Variants in TSPYL4 observed in about 807,000 individuals in gnomAD.
TSPYL4 encodes TSPY like 4.
A neutral mutation model predicts 24.2 loss-of-function variants in TSPYL4; 22 were observed. The ratio of observed to expected loss-of-function variants is 0.91; its 90% CI spans 0.65 to 1.30. The LOEUF (loss-of-function observed/expected upper bound fraction) is 1.30, where lower values mean the gene tolerates loss of function less well. Among genes scored for constraint, TSPYL4 ranks in the 50% most tolerant of loss-of-function variants. The pLI is 0.00. For missense variants in TSPYL4, 569 were observed against 536.7 expected (o/e 1.06, Z -0.60); for synonymous variants, 211 against 208.2 (o/e 1.01, Z -0.12).
chr6:116,250,267 G>C lies in TSPYL4; in HGVS notation c.*2497C>G, dbSNP rs12211767. ...CATTCAAATTATATTTCTAAGAATA[G>C]AGCCATATATGAACAGAGAGCAAAA... On this transcript the variant is annotated 3_prime_UTR_variant, in exon 1 of 1. Transcript: ENST00000420283. The C allele has an allele frequency of 6.6e-6, 1 of 152,450 alleles. No individual in the cohort carries two copies. Among genetic ancestry groups the C allele is most frequent in the African/African-American group, 2.4e-5 (1 of 41,390 alleles). 9.4% of individuals were successfully genotyped at this position (152,450 alleles called of 1,614,324 possible).
rs748653080 is a variant in TSPYL4 at position 116,253,761 on chromosome 6, C to T, written c.248G>A (p.Gly83Asp). ...CTCCTGCCCGGCTTTGGTCGCTGCA[C>T]CGCCGCGACTCCCGGCAACTGGGAC... is the stretch of plus-strand genomic sequence containing the variant. Reference protein sequence around the residue: ...LRVPVAGSRGGAATKAGQEDA... With the variant: ...LRVPVAGSRGDAATKAGQEDA... Residue 83 changes from glycine (G) to aspartate (D), a missense_variant, in exon 1 of 1, where the codon GGT becomes GAT. Coordinates refer to ENST00000420283, the MANE Select transcript of TSPYL4 (RefSeq NM_021648.5). This position sits in a 1 kb window ranked among gnomAD's most constrained non-coding sequence, Gnocchi z 4.3. The T allele has an allele frequency of 1.3e-6, 2 of 1,597,722 alleles. No homozygotes were observed. The highest frequency in any genetic ancestry group is 1.7e-6 in the Non-Finnish European group (2 of 1,171,300).
Position 116,252,758 on chromosome 6 carries a change from C to A in TSPYL4, c.*6G>T. ...ACTTGTGCAGAAGCTTCTCACAGGA[C>A]AGAGATTAGCCAGACTGGAACCTGA... On this transcript the variant is annotated 3_prime_UTR_variant, in exon 1 of 1. Coordinates refer to ENST00000420283, the MANE Select transcript of TSPYL4 (RefSeq NM_021648.5). The A allele has an allele frequency of 6.3e-7, 1 of 1,580,790 alleles. No homozygotes were observed. Among genetic ancestry groups the A allele is most frequent in the Non-Finnish European group, 8.6e-7 (1 of 1,162,518 alleles).
rs1244009897 is a variant in TSPYL4, at chr6:116,250,958, A to C, written c.*1806T>G. Reference sequence around the variant, plus strand: ...GTGAAAATCCACACAGATGCTGCACATCCCCTTATCCCCTACAAGGAGGCT... The same window carrying C: ...GTGAAAATCCACACAGATGCTGCACCTCCCCTTATCCCCTACAAGGAGGCT... On this transcript the variant is annotated 3_prime_UTR_variant, in exon 1 of 1. Transcript: ENST00000420283. 1 of 375,886 alleles carries C rather than the reference A, an allele frequency of 2.7e-6. No homozygotes were observed. The highest frequency in any genetic ancestry group is 3.8e-5 in the East Asian group (1 of 26,450). 23.3% of individuals were successfully genotyped at this position (375,886 alleles called of 1,614,324 possible).
At position 116,250,858 on chromosome 6, in the gene TSPYL4, G is replaced by T. The variant is rs544760156; in HGVS notation, c.*1906C>A. The T allele has an allele frequency of 4.5e-6, 1 of 223,944 alleles. No homozygotes were observed. Among genetic ancestry groups the T allele is most frequent in the East Asian group, 8.7e-5 (1 of 11,526 alleles). 13.9% of individuals were successfully genotyped at this position (223,944 alleles called of 1,614,324 possible). ...AACCAAAGGGGAAAAGGGTGATGGT[G>T]GATGGTCTTTATCACCACACATGAT... On this transcript the variant is annotated 3_prime_UTR_variant, in exon 1 of 1. Transcript: ENST00000420283.
Position 116,251,209 on chromosome 6 carries a change from G to A in TSPYL4, c.*1555C>T, listed in dbSNP as rs1312536110. On this transcript the variant is annotated 3_prime_UTR_variant, in exon 1 of 1. Transcript: ENST00000420283. ...AAAGAATTTCCATCTTTAGAAAAGT[G>A]GAGTGAGGCTAAGTTTTGGTTGCCT... The A allele has an allele frequency of 5.0e-6, 2 of 398,582 alleles. No homozygotes were observed. Among genetic ancestry groups the A allele is most frequent in the African/African-American group, 4.1e-5 (2 of 48,634 alleles). The allele number at this position is 398,582 out of a possible 1,614,324, so 24.7% of individuals were successfully genotyped here.
chr6:116,254,060 C>A lies in TSPYL4; in HGVS notation c.-52G>T. On this transcript the variant is annotated 5_prime_UTR_variant, in exon 1 of 1. Coordinates refer to ENST00000420283, the MANE Select transcript of TSPYL4 (RefSeq NM_021648.5). ...AGGGAGAGTTCCTTGTCCTCCGCAGCGGCCGAGCTCTGCCCGAAACGTCTA... is the reference window on the plus strand; with the variant it reads ...AGGGAGAGTTCCTTGTCCTCCGCAGAGGCCGAGCTCTGCCCGAAACGTCTA... The A allele has an allele frequency of 6.6e-7, 1 of 1,512,002 alleles. No individual in the cohort carries two copies. The highest frequency in any genetic ancestry group is 8.8e-7 in the Non-Finnish European group (1 of 1,130,430). The allele number at this position is 1,512,002 out of a possible 1,614,324, so 93.7% of individuals were successfully genotyped here.
In TSPYL4 at chr6:116,253,684, C is replaced by T. The variant is rs1459037936; in HGVS notation, c.325G>A (p.Ala109Thr). The change falls in exon 1 of 1, where the codon GCT becomes ACT. Residue 109 changes from alanine to threonine, a missense_variant. Physicochemically the swap from Ala to Thr is moderately conservative, Grantham distance 58. Coordinates refer to ENST00000420283, the MANE Select transcript of TSPYL4 (RefSeq NM_021648.5). The surrounding 1 kb of genome is among the most constrained non-coding windows in gnomAD (Gnocchi z 4.3). The stretch of plus-strand genomic sequence containing the variant: ...CAGCCATTTTTCTGGCTGCTGTCAG[C>T]AGCCTCGGCGGCAGAGGCTGCTTCC... ...GLEAASAAEAADSSQKNGCQL... is the reference protein window; with the variant it reads ...GLEAASAAEATDSSQKNGCQL... 6.4e-7 allele frequency: 1 copy of T among 1,559,208 alleles called. No individual in the cohort carries two copies. Among genetic ancestry groups the T allele is most frequent in the Non-Finnish European group, 8.7e-7 (1 of 1,149,980 alleles).
Position 116,253,213 on chromosome 6 carries a change from G to A in TSPYL4, c.796C>T (p.Pro266Ser). The A allele has an allele frequency of 1.2e-6, 2 of 1,614,062 alleles. No homozygotes were observed. Among genetic ancestry groups the A allele is most frequent in the Non-Finnish European group, 1.7e-6 (2 of 1,179,976 alleles). ...TAFRNHPQLS[P>S]MISGQDEDML... is the part of the protein sequence containing the mutation. ...TCTTCATCTTGGCCACTGATCATAG[G>A]TGACAGCTGGGGGTGGTTTCGAAAG... Residue 266 changes from proline to serine, a missense_variant, in exon 1 of 1, where the codon CCT becomes TCT. Coordinates refer to ENST00000420283, the MANE Select transcript of TSPYL4 (RefSeq NM_021648.5). This position sits in a 1 kb window ranked among gnomAD's most constrained non-coding sequence, Gnocchi z 4.3.
Position 116,252,735 on chromosome 6 carries a change from T to C in TSPYL4, c.*29A>G. The C allele has an allele frequency of 6.5e-7, 1 of 1,538,524 alleles. No individual in the cohort carries two copies. The highest frequency in any genetic ancestry group is 8.8e-7 in the Non-Finnish European group (1 of 1,142,492). On this transcript the variant is annotated 3_prime_UTR_variant, in exon 1 of 1. Coordinates refer to ENST00000420283, the MANE Select transcript of TSPYL4 (RefSeq NM_021648.5). ...GTCCAAGAGGAGGTGGTAAGGAAAC[T>C]TGTGCAGAAGCTTCTCACAGGACAG...
In TSPYL4 at chr6:116,251,337, A is replaced by G. The variant is rs1771947977; in HGVS notation, c.*1427T>C. 7.5e-6 allele frequency: 3 copies of G among 398,562 alleles called. No homozygotes were observed. Among genetic ancestry groups the G allele is most frequent in the Admixed American group, 4.4e-5 (1 of 22,724 alleles). 24.7% of individuals were successfully genotyped at this position (398,562 alleles called of 1,614,324 possible). On this transcript the variant is annotated 3_prime_UTR_variant, in exon 1 of 1. Transcript: ENST00000420283. ...TTCTCAAACTAAAAACTCAAGAAAT[A>G]CACAGGTTTTGGTAGAATGGATGGG...
chr6:116,253,053 G>C lies in TSPYL4; in HGVS notation c.956C>G (p.Ser319Cys), dbSNP rs546927792. The C allele has an allele frequency of 1.2e-6, 2 of 1,614,144 alleles. No homozygotes were observed. Among genetic ancestry groups the C allele is most frequent in the South Asian group, 2.2e-5 (2 of 91,078 alleles). The change falls in exon 1 of 1, where the codon TCC (serine) becomes TGC (cysteine). Residue 319 changes from serine (S) to cysteine (C), a missense_variant. Coordinates refer to ENST00000420283, the MANE Select transcript of TSPYL4 (RefSeq NM_021648.5). This position sits in a 1 kb window ranked among gnomAD's most constrained non-coding sequence, Gnocchi z 4.3. ...EGLVKEYERR[S>C]SGRVVSLSTP... ...GGAAAGAGACACCACCCGGCCAGAG[G>C]ATCTGCGTTCATATTCCTTGACAAG...
chr6:116,253,688 C>T lies in TSPYL4; in HGVS notation c.321G>A (p.Glu107=). Residue 107 remains glutamate (E), a synonymous_variant, in exon 1 of 1, where the codon GAG becomes GAA. Coordinates refer to ENST00000420283, the MANE Select transcript of TSPYL4 (RefSeq NM_021648.5). This position sits in a 1 kb window ranked among gnomAD's most constrained non-coding sequence, Gnocchi z 4.3. ...TKGLEAASAA[E]AADSSQKNGC... ...CATTTTTCTGGCTGCTGTCAGCAGCCTCGGCGGCAGAGGCTGCTTCCAGAC... is the reference window on the plus strand; with the variant it reads ...CATTTTTCTGGCTGCTGTCAGCAGCTTCGGCGGCAGAGGCTGCTTCCAGAC... 2 of 1,559,606 alleles carry T rather than the reference C, an allele frequency of 1.3e-6. No homozygotes were observed. The highest frequency in any genetic ancestry group is 1.7e-6 in the Non-Finnish European group (2 of 1,150,130).
At position 116,254,034 on chromosome 6, in the gene TSPYL4, G is replaced by A. The variant is rs754037847; in HGVS notation, c.-26C>T. On this transcript the variant is annotated 5_prime_UTR_variant, in exon 1 of 1. Transcript: ENST00000420283. ...TTTGGAAGAAGTCAGACTAGTGGGA[G>A]AGGGAGAGTTCCTTGTCCTCCGCAG... 4 of 1,543,466 alleles carry A rather than the reference G, an allele frequency of 2.6e-6. No homozygotes were observed. The Admixed American group carries it at 6.1e-5, about 24-fold the overall frequency.
In TSPYL4 at chr6:116,252,736, T is replaced by A. The variant is rs772704745; in HGVS notation, c.*28A>T. Reference sequence around the variant, plus strand: ...TCCAAGAGGAGGTGGTAAGGAAACTTGTGCAGAAGCTTCTCACAGGACAGA... The same window carrying A: ...TCCAAGAGGAGGTGGTAAGGAAACTAGTGCAGAAGCTTCTCACAGGACAGA... On this transcript the variant is annotated 3_prime_UTR_variant, in exon 1 of 1. Coordinates refer to ENST00000420283, the MANE Select transcript of TSPYL4 (RefSeq NM_021648.5). 1 of 1,539,398 alleles carries A rather than the reference T, an allele frequency of 6.5e-7. No homozygotes were observed. The highest frequency in any genetic ancestry group is 8.7e-7 in the Non-Finnish European group (1 of 1,142,966).
At position 116,251,113 on chromosome 6, in the gene TSPYL4, C is replaced by A; in HGVS notation, c.*1651G>T. ...GATGGAGACCCAAGGGACATCAGGG[C>A]AGAAACAAAATAGTACAAAGGAGAA... On this transcript the variant is annotated 3_prime_UTR_variant, in exon 1 of 1. Transcript: ENST00000420283. 2.5e-6 allele frequency: 1 copy of A among 398,494 alleles called. No individual in the cohort carries two copies. Among genetic ancestry groups the A allele is most frequent in the Non-Finnish European group, 4.4e-6 (1 of 226,044 alleles). The allele number at this position is 398,494 out of a possible 1,614,324, so 24.7% of individuals were successfully genotyped here. A position where few individuals can be genotyped will look rare whatever the true frequency, so the allele number is the denominator to read the frequency against.
At position 116,253,555 on chromosome 6, in the gene TSPYL4, C is replaced by A; in HGVS notation, c.454G>T (p.Val152Leu). The change falls in exon 1 of 1, where the codon GTG becomes TTG. Residue 152 changes from valine (V) to leucine (L), a missense_variant. Val to Leu is a conservative substitution (Grantham distance 32, BLOSUM62 1). Transcript: ENST00000420283. The surrounding 1 kb of genome is among the most constrained non-coding windows in gnomAD (Gnocchi z 4.3). ...QMIPGKKAKE[V>L]TTKKRAISAA... is the part of the protein sequence containing the mutation. ...GAGATGGCGCGTTTTTTAGTCGTCA[C>A]TTCCTTGGCCTTCTTCCCCGGTATC... The A allele has an allele frequency of 1.3e-6, 2 of 1,551,956 alleles. No homozygotes were observed. The highest frequency in any genetic ancestry group is 1.7e-6 in the Non-Finnish European group (2 of 1,147,048).
rs1366404897 is a variant in TSPYL4, at chr6:116,250,559, C to T, written c.*2205G>A. On this transcript the variant is annotated 3_prime_UTR_variant, in exon 1 of 1. Coordinates refer to ENST00000420283, the MANE Select transcript of TSPYL4 (RefSeq NM_021648.5). ...CTTACATTTTGTTTACAAAAATCTACTGGTGAATTCAAGGACTTAGGAAAA... is the reference window on the plus strand; with the variant it reads ...CTTACATTTTGTTTACAAAAATCTATTGGTGAATTCAAGGACTTAGGAAAA... 1 of 152,394 alleles carries T rather than the reference C, an allele frequency of 6.6e-6. No homozygotes were observed. The highest frequency in any genetic ancestry group is 2.4e-5 in the African/African-American group (1 of 41,462). 9.4% of individuals were successfully genotyped at this position (152,394 alleles called of 1,614,324 possible).
rs1488751694 is a variant in TSPYL4 at position 116,253,069 on chromosome 6, C to T, written c.940G>A (p.Glu314Lys). 1 of 1,614,100 alleles carries T rather than the reference C, an allele frequency of 6.2e-7. No individual in the cohort carries two copies. Among genetic ancestry groups the T allele is most frequent in the Non-Finnish European group, 8.5e-7 (1 of 1,180,032 alleles). The change falls in exon 1 of 1, where the codon GAA (glutamate) becomes AAA (lysine). Residue 314 changes from glutamate to lysine, a missense_variant. Physicochemically the swap from Glu to Lys is moderately conservative, Grantham distance 56 (BLOSUM62 1). Coordinates refer to ENST00000420283, the MANE Select transcript of TSPYL4 (RefSeq NM_021648.5). The surrounding 1 kb of genome is among the most constrained non-coding windows in gnomAD (Gnocchi z 4.3). ...CGGCCAGAGGATCTGCGTTCATATT[C>T]CTTGACAAGCCCCTCATTTCGGAAG... is the stretch of plus-strand genomic sequence containing the variant. ...PYFRNEGLVK[E>K]YERRSSGRVV...
rs976093650 is a variant in TSPYL4, at chr6:116,252,567, T to C, written c.*197A>G. ...CATGTTAACACAATGCAGAAAAGCA[T>C]GAAGGCCCAGAGGAAGAATGGCACA... On this transcript the variant is annotated 3_prime_UTR_variant, in exon 1 of 1. Transcript: ENST00000420283. 1 of 649,576 alleles carries C rather than the reference T, an allele frequency of 1.5e-6. No individual in the cohort carries two copies. The highest frequency in any genetic ancestry group is 2.6e-6 in the Non-Finnish European group (1 of 390,338). The allele number at this position is 649,576 out of a possible 1,614,324, so 40.2% of individuals were successfully genotyped here. A position where few individuals can be genotyped will look rare whatever the true frequency, so the allele number is the denominator to read the frequency against.
Sources: gnomAD v4.1 joint callset for allele counts on GRCh38, gnomAD v4.1.1 for gene constraint, Gnocchi (gnomAD v3.1) non-coding constraint, MANE v1.5 for transcripts, NCBI Gene and HGNC (gene_info 2026-07-23, HGNC 2026-07-21) for gene names.